Variants in SLC9A9 observed in about 807,000 individuals in gnomAD.
SLC9A9 encodes sodium/hydrogen exchanger 9.
Under a neutral mutation model 77.8 loss-of-function variants are expected in SLC9A9, and 62 were observed. The observed-to-expected ratio is 0.80, with a 90% CI of 0.65 to 0.98. SLC9A9 has a LOEUF of 0.98. SLC9A9 is among the 50% of genes least tolerant of loss of function. SLC9A9 has a pLI of 0.00. For missense variants in SLC9A9, 775 were observed against 774.9 expected (o/e 1.00, Z 0.00); for synonymous variants, 320 against 283.5 (o/e 1.13, Z -1.29).
intron 1 of SLC9A9, among the ~76,000 whole-genome samples, chr3:143,842,500 A>G (rs2009734088): frequency 6.6e-6 from 1 of 152,244 alleles, no homozygotes; most frequent in Non-Finnish European, 1.5e-5. Context: ...CACATGGAAA[A>G]CATTGTACAA....
chr3:143,360,043 A>T (rs900518169), intron 14 of SLC9A9, among the ~76,000 whole-genome samples: 14 of 152,208 alleles, frequency 9.2e-5, no homozygotes, highest in Non-Finnish European at 4.4e-5. Flanking sequence ...GAGGATTTAC[A>T]GGTAGAGTAA....
intron 9 of SLC9A9, among the ~76,000 whole-genome samples, chr3:143,549,510 C>T (rs1411948970): frequency 6.6e-6 from 1 of 151,948 alleles, no homozygotes; most frequent in East Asian, 1.9e-4. Context: ...TCCAGGCACC[C>T]CCAAAAAAAG....
At chr3:143,580,016 T>A (rs1576589294) in intron 6 of SLC9A9, among the ~76,000 whole-genome samples, 1 of 152,328 alleles carries the variant, frequency 6.6e-6, no homozygotes, top group Admixed American at 6.5e-5. Context: ...TGAATGTGGA[T>A]CTTGAATGAA....
chr3:143,518,042 T>C (rs1681126145), intron 9 of SLC9A9: 7 of 1,458,532 alleles, frequency 4.8e-6, no homozygotes, highest in Non-Finnish European at 6.7e-6. Flanking sequence ...CTCCACCTTC[T>C]TACTGTCAGG....
At chr3:143,303,373 C>CTT (rs112101322) in intron 14 of SLC9A9, among the ~76,000 whole-genome samples, 20 of 142,678 alleles carry the variant, frequency 1.4e-4, no homozygotes, top group Admixed American at 6.9e-4. Flanking sequence ...TTTTTCTTTT[C>CTT]TTTTTTTTTT....
At chr3:143,714,398 A>T (rs940875711) in intron 4 of SLC9A9, among the ~76,000 whole-genome samples, 2 of 152,068 alleles carry the variant, frequency 1.3e-5, no homozygotes, top group Non-Finnish European at 2.9e-5. Context: ...TCCTCACCTT[A>T]TGTGATCCGG....
intron 6 of SLC9A9, among the ~76,000 whole-genome samples, chr3:143,628,179 T>C (rs2108724128): frequency 6.6e-6 from 1 of 152,110 alleles, no homozygotes; most frequent in Admixed American, 6.5e-5. Flanking sequence ...AGATGGAGGA[T>C]GGAGGGATGG....
intron 12 of SLC9A9, among the ~76,000 whole-genome samples, chr3:143,396,876 TA>T (rs1479915971): frequency 2.0e-5 from 3 of 152,318 alleles, no homozygotes; most frequent in African/African-American, 7.2e-5. Context: ...GCTGCAGAGA[TA>T]AAATGTGTGG....
chr3:143,649,238 T>C (rs1156489794), intron 6 of SLC9A9, among the ~76,000 whole-genome samples: 1 of 152,224 alleles, frequency 6.6e-6, no homozygotes, highest in Non-Finnish European at 1.5e-5. Flanking sequence ...TTCAATAGCC[T>C]ATTAAATAAC....
intron 6 of SLC9A9, among the ~76,000 whole-genome samples, chr3:143,613,730 T>G (rs2038055954): frequency 6.7e-6 from 1 of 149,628 alleles, no homozygotes; most frequent in Non-Finnish European, 1.5e-5. Context: ...TTTTTTTTTT[T>G]CTGAATGTCC....
chr3:143,449,644 A>AAAATATAATAATT (rs2034939965), intron 12 of SLC9A9, among the ~76,000 whole-genome samples: 1 of 10,652 alleles, frequency 9.4e-5, no homozygotes, highest in African/African-American at 1.2e-3. Context: ...ATAATTATAT[A>AAAATATAATAATT]ATATAATTAT....
intron 4 of SLC9A9, among the ~76,000 whole-genome samples, chr3:143,745,609 A>G (rs996029128): frequency 2.0e-5 from 3 of 152,168 alleles, no homozygotes; most frequent in Non-Finnish European, 2.9e-5. Flanking sequence ...TGCCTAGAAC[A>G]TTAGGGCCGC....
chr3:143,618,364 G>A (rs1021874245), intron 6 of SLC9A9, among the ~76,000 whole-genome samples: 8 of 152,150 alleles, frequency 5.3e-5, no homozygotes, highest in Non-Finnish European at 7.4e-5. Flanking sequence ...AAAAGTATTC[G>A]ATGCCAATGG....
intron 4 of SLC9A9, among the ~76,000 whole-genome samples, chr3:143,732,676 A>T (rs1934837086): frequency 1.3e-5 from 2 of 152,278 alleles, no homozygotes; most frequent in Middle Eastern, 3.4e-3. Context: ...TCCACCCTTC[A>T]GTAGAGTCCA....
At chr3:143,746,578 TAG>T (rs1478885235) in intron 4 of SLC9A9, among the ~76,000 whole-genome samples, 1 of 152,190 alleles carries the variant, frequency 6.6e-6, no homozygotes, top group African/African-American at 2.4e-5. Context: ...TTTTAGAGTT[TAG>T]TTGAAAAGAT....
intron 1 of SLC9A9, among the ~76,000 whole-genome samples, chr3:143,836,378 G>T (rs1196786628): frequency 6.6e-6 from 1 of 152,142 alleles, no homozygotes. Flanking sequence ...ATCACTTTGG[G>T]CAGAATTGTA....
intron 4 of SLC9A9, among the ~76,000 whole-genome samples, chr3:143,704,487 T>C (rs6782658): frequency 0.53 from 81,105 of 151,934 alleles, 22,035 homozygotes; most frequent in Non-Finnish European, 0.57. Flanking sequence ...TCATTTCAAT[T>C]GATGACAAAA....
At chr3:143,747,578 G>A (rs1358000443) in intron 4 of SLC9A9, among the ~76,000 whole-genome samples, 4 of 152,164 alleles carry the variant, frequency 2.6e-5, no homozygotes, top group African/African-American at 7.2e-5. Flanking sequence ...GGATATGAAG[G>A]TGAAGCAAAG....
At chr3:143,799,136 T>A (rs1043223542) in intron 2 of SLC9A9, among the ~76,000 whole-genome samples, 3 of 152,166 alleles carry the variant, frequency 2.0e-5, no homozygotes, top group Non-Finnish European at 2.9e-5. Context: ...TTTTTCTTTA[T>A]CCGACCTCTC....
Sources: gnomAD v4.1 joint callset for allele counts (sites outside exome capture counted in the v4.1 genomes callset) on GRCh38, gnomAD v4.1.1 for gene constraint, MANE v1.5 for transcripts, NCBI Gene and HGNC (gene_info 2026-07-23, HGNC 2026-07-21) for gene names.